Variants in KCNQ5 observed in about 807,000 individuals in gnomAD.
The protein encoded by KCNQ5 is potassium voltage-gated channel subfamily Q member 5.
KCNQ5 carries 30 observed loss-of-function variants against 98.2 expected under a neutral mutation model. The observed-to-expected ratio is 0.31, with a 90% CI of 0.23 to 0.41. KCNQ5 has a LOEUF of 0.41. Ranked by LOEUF, KCNQ5 falls within the 10% of genes least tolerant of loss-of-function variation. KCNQ5 has a pLI of 1.00. For synonymous variants in KCNQ5, 458 were observed against 449.4 expected (o/e 1.02, Z -0.24); for missense variants, 835 against 1,182.5 (o/e 0.71, Z 4.31).
At chr6:73,156,226 C>A (rs758798963) in intron 10 of KCNQ5, among the ~76,000 whole-genome samples, 1 of 152,106 alleles carries the variant, frequency 6.6e-6, no homozygotes, top group Non-Finnish European at 1.5e-5. Context: ...TAATTCATTA[C>A]GGGATGTAAT....
At chr6:72,835,587 G>T (rs941634506) in intron 1 of KCNQ5, among the ~76,000 whole-genome samples, 1 of 152,118 alleles carries the variant, frequency 6.6e-6, no homozygotes, top group African/African-American at 2.4e-5. Context: ...AATACATGGA[G>T]TGAATTATTA....
At position 73,194,466 on chromosome 6, in the gene KCNQ5, A is replaced by G. The variant is rs35791353; in HGVS notation, c.1851A>G (p.Glu617=). The G allele has an allele frequency of 0.038, 61,907 of 1,612,988 alleles. 1,326 individuals carry two copies. The highest frequency in any genetic ancestry group is 0.058 in the East Asian group (2,597 of 44,870). Residue 617 remains glutamate (E), a synonymous_variant, in exon 14 of 14, where the codon GAA becomes GAG. Transcript: ENST00000370398. ...VKVEKQVQSI[E]SKLDCLLDIY... Reference sequence around the variant, plus strand: ...CTCACTTCTAGGTACAGTCCATAGAATCCAAGCTGGACTGCCTACTAGACA... The same window carrying G: ...CTCACTTCTAGGTACAGTCCATAGAGTCCAAGCTGGACTGCCTACTAGACA...
intron 1 of KCNQ5, among the ~76,000 whole-genome samples, chr6:72,634,720 C>T (rs998853089): frequency 6.6e-6 from 1 of 152,060 alleles, no homozygotes; most frequent in African/African-American, 2.4e-5. Context: ...CTCCCGCCAC[C>T]ACGCCTGGCT....
At chr6:73,186,518 TG>T (rs1778576801) in intron 11 of KCNQ5, among the ~76,000 whole-genome samples, 2 of 152,352 alleles carry the variant, frequency 1.3e-5, no homozygotes, top group East Asian at 3.9e-4. Context: ...ATTTCTGTAG[TG>T]TAAATACTCC....
rs115101137 is a variant in KCNQ5, at chr6:73,101,224, A to G, written c.919-4033A>G. Among the ~76,000 whole-genome samples, 1,369 of 152,344 alleles carry G rather than the reference A, an allele frequency of 9.0e-3. 23 individuals are homozygous for G. The highest frequency in any genetic ancestry group is 0.032 in the African/African-American group (1,315 of 41,570). Reference sequence around the variant, plus strand: ...AGGCCACCATCCCTAATGAACATTGATGGAAAAATCCTTGACAAAATACTA... The same window carrying G: ...AGGCCACCATCCCTAATGAACATTGGTGGAAAAATCCTTGACAAAATACTA... On this transcript the variant is annotated intron_variant, in intron 5 of 13. Coordinates refer to ENST00000370398, the MANE Select transcript of KCNQ5 (RefSeq NM_019842.4).
chr6:72,909,067 T>C (rs1334362742), intron 1 of KCNQ5, among the ~76,000 whole-genome samples: 1 of 152,140 alleles, frequency 6.6e-6, no homozygotes, highest in Admixed American at 6.6e-5. Context: ...AACACAGACC[T>C]TACTTTATGA....
intron 2 of KCNQ5, among the ~76,000 whole-genome samples, chr6:73,011,818 C>T (rs999075429): frequency 6.6e-6 from 1 of 151,512 alleles, no homozygotes; most frequent in Non-Finnish European, 1.5e-5. Context: ...CTTGAATAAA[C>T]ATTTCTCAAA....
intron 10 of KCNQ5, among the ~76,000 whole-genome samples, chr6:73,146,147 C>T (rs187228453): frequency 2.6e-5 from 4 of 152,238 alleles, no homozygotes; most frequent in Non-Finnish European, 5.9e-5. Context: ...TGTGATTCTG[C>T]AATTTGTAGG....
chr6:73,040,172 G>T (rs1039759703), intron 2 of KCNQ5, among the ~76,000 whole-genome samples: 2 of 152,202 alleles, frequency 1.3e-5, no homozygotes, highest in African/African-American at 4.8e-5. Context: ...TCTGTCATTT[G>T]TTAAGAACAA....
chr6:72,800,167 A>C (rs1262791306), intron 1 of KCNQ5, among the ~76,000 whole-genome samples: 1 of 152,024 alleles, frequency 6.6e-6, no homozygotes, highest in African/African-American at 2.4e-5. Flanking sequence ...GTAATGCCAC[A>C]CACTTTTTAT....
intron 1 of KCNQ5, among the ~76,000 whole-genome samples, chr6:72,727,821 G>C (rs1185723320): frequency 2.6e-5 from 4 of 152,182 alleles, no homozygotes; most frequent in Admixed American, 1.3e-4. Flanking sequence ...TAGGTCTACT[G>C]CACCTTGATT....
intron 1 of KCNQ5, among the ~76,000 whole-genome samples, chr6:72,995,389 A>G (rs562043488): frequency 2.0e-5 from 3 of 150,120 alleles, no homozygotes; most frequent in African/African-American, 7.5e-5. Flanking sequence ...AAAAAAAGGG[A>G]AAGAACAACT....
intron 2 of KCNQ5, among the ~76,000 whole-genome samples, chr6:73,022,177 G>A (rs984098280): frequency 6.6e-6 from 1 of 151,852 alleles, no homozygotes; most frequent in Non-Finnish European, 1.5e-5. Flanking sequence ...ATTCACTAGT[G>A]ATCTCTAGAT....
At chr6:72,994,015 G>T (rs1160872509) in intron 1 of KCNQ5, among the ~76,000 whole-genome samples, 2 of 64,184 alleles carry the variant, frequency 3.1e-5, no homozygotes, top group African/African-American at 8.6e-5. Context: ...CAGTCTGCCC[G>T]TTCTCAGATC....
At chr6:73,131,343 G>A (rs531512795) in intron 9 of KCNQ5, among the ~76,000 whole-genome samples, 1 of 152,144 alleles carries the variant, frequency 6.6e-6, no homozygotes, top group South Asian at 2.1e-4. Flanking sequence ...TATCTTGAAA[G>A]TTGGAGAAAA....
At position 72,831,593 on chromosome 6, in the gene KCNQ5, G is replaced by T. The variant is rs112875893; in HGVS notation, c.399-172315G>T. Among the ~76,000 whole-genome samples the T allele has an allele frequency of 1.2e-4, 18 of 147,650 alleles. No homozygotes were observed. In the East Asian group the frequency reaches 2.5e-3, roughly 20 times the overall value. On this transcript the variant is annotated intron_variant, in intron 1 of 13. Coordinates refer to ENST00000370398, the MANE Select transcript of KCNQ5 (RefSeq NM_019842.4). ...GGGGCCTGTCGTGGGATGCAGGGAGGGGGGAGGGAAAGCAGTAGGAGATAT... is the reference window on the plus strand; with the variant it reads ...GGGGCCTGTCGTGGGATGCAGGGAGTGGGGAGGGAAAGCAGTAGGAGATAT...
intron 1 of KCNQ5, among the ~76,000 whole-genome samples, chr6:72,708,191 A>G (rs1344655195): frequency 1.3e-5 from 2 of 152,194 alleles, no homozygotes; most frequent in African/African-American, 4.8e-5. Context: ...GTTTTCGCCA[A>G]TGTATTTGTT....
In KCNQ5 at chr6:73,133,469, C is replaced by T. The variant is rs1439251838; in HGVS notation, c.1296C>T (p.Gly432=). Residue 432 remains glycine (G), a synonymous_variant, in exon 10 of 14, where the codon GGC becomes GGT. Transcript: ENST00000370398. Reference sequence around the variant, plus strand: ...GAGTGCGCATGGCTAGCCCCAGGGGCCAGAGTATTAAGAGCCGACAAGCCT... The same window carrying T: ...GAGTGCGCATGGCTAGCCCCAGGGGTCAGAGTATTAAGAGCCGACAAGCCT... ...KERVRMASPR[G]QSIKSRQASV... The T allele has an allele frequency of 5.0e-6, 8 of 1,613,994 alleles. No homozygotes were observed. In the South Asian group the frequency reaches 7.7e-5, roughly 16 times the overall value.
intron 3 of KCNQ5, among the ~76,000 whole-genome samples, chr6:73,073,849 CT>C (rs1185741491): frequency 2.6e-5 from 4 of 152,120 alleles, no homozygotes; most frequent in African/African-American, 9.7e-5. Flanking sequence ...AACTGCACAG[CT>C]TAAGCTACTC....
Sources: gnomAD v4.1 joint callset for allele counts (sites outside exome capture counted in the v4.1 genomes callset) on GRCh38, gnomAD v4.1.1 for gene constraint, MANE v1.5 for transcripts, NCBI Gene and HGNC (gene_info 2026-07-23, HGNC 2026-07-21) for gene names.